Variants in NUDT7 observed in about 807,000 individuals in gnomAD.
NUDT7 encodes peroxisomal coenzyme A diphosphatase NUDT7.
A neutral mutation model predicts 13.1 loss-of-function variants in NUDT7; 19 were observed. The ratio of observed to expected loss-of-function variants is 1.45; its 90% confidence interval spans 1.01 to 2.13. The LOEUF (loss-of-function observed/expected upper bound fraction) is 2.13. Among genes scored for constraint, NUDT7 ranks in the 30% most tolerant of loss-of-function variants. The pLI is 0.00. For synonymous variants in NUDT7, 132 were observed against 109.7 expected (o/e 1.20, Z -1.27); for missense variants, 360 against 291.7 (o/e 1.23, Z -1.71).
At chr16:77,740,806 C>T (rs2014634880) in intron 3 of NUDT7, among the ~76,000 whole-genome samples, 1 of 152,150 alleles carries the variant, frequency 6.6e-6, no homozygotes, top group Non-Finnish European at 1.5e-5. Context: ...CCTCAGCCTC[C>T]CAAAGTGCTG....
intron 2 of NUDT7, among the ~76,000 whole-genome samples, chr16:77,734,823 A>C (rs1247473351): frequency 6.6e-6 from 1 of 152,202 alleles, no homozygotes. Context: ...CCACAGAGAC[A>C]GAAAGCAGGG....
chr16:77,741,815 C>T lies in NUDT7; in HGVS notation c.582C>T (p.Asn194=). The change falls in exon 4 of 4, where the codon AAC becomes AAT. Residue 194 remains asparagine (N), a synonymous_variant. Transcript: ENST00000268533. The stretch of plus-strand genomic sequence containing the variant: ...ACCAGATCAAGGGAATGACGGCAAA[C>T]CTTGCAGTGTTGGTGGCCTTTATCA... ...VTYQIKGMTA[N]LAVLVAFIIL... is the part of the protein sequence containing the mutation. 1.2e-6 allele frequency: 2 copies of T among 1,614,112 alleles called. No individual in the cohort carries two copies. Among genetic ancestry groups the T allele is most frequent in the Non-Finnish European group, 1.7e-6 (2 of 1,180,034 alleles).
intron 3 of NUDT7, among the ~76,000 whole-genome samples, chr16:77,740,602 G>T (rs773491850): frequency 2.0e-5 from 3 of 152,118 alleles, no homozygotes; most frequent in Non-Finnish European, 2.9e-5. Flanking sequence ...GGAGTGCAGT[G>T]GCATGATCTC....
At chr16:77,729,589 G>T (rs1263433937) in intron 2 of NUDT7, among the ~76,000 whole-genome samples, 1 of 152,126 alleles carries the variant, frequency 6.6e-6, no homozygotes, top group African/African-American at 2.4e-5. Context: ...ATTTTGAGAG[G>T]CCAAGGTGTG....
At chr16:77,729,917 A>G (rs1474729914) in intron 2 of NUDT7, among the ~76,000 whole-genome samples, 1 of 151,636 alleles carries the variant, frequency 6.6e-6, no homozygotes, top group South Asian at 2.1e-4. Flanking sequence ...TATATTCACT[A>G]TGGAATGACT....
chr16:77,725,703 T>C (rs1331426620), intron 2 of NUDT7, 119 bp downstream of exon 2: 2 of 840,868 alleles, frequency 2.4e-6, no homozygotes, highest in Admixed American at 2.7e-5. Flanking sequence ...AAAATTGTGA[T>C]GTCAGAGGCA....
chr16:77,739,172 G>T (rs2014580753), intron 3 of NUDT7, among the ~76,000 whole-genome samples: 1 of 152,176 alleles, frequency 6.6e-6, no homozygotes, highest in Non-Finnish European at 1.5e-5. Flanking sequence ...CCTAAGAGAG[G>T]GTTCTAGGAT....
rs766519088 is a variant in NUDT7, at chr16:77,741,623, C to G, written c.390C>G (p.His130Gln). ...LITPFVGLIDHNFQAQPNPAE... is the reference protein window; with the variant it reads ...LITPFVGLIDQNFQAQPNPAE... ...CTCCATTTGTGGGTTTAATAGACCA[C>G]AACTTCCAGGCCCAGCCGAATCCTG... Residue 130 changes from histidine (H) to glutamine (Q), a missense_variant, in exon 4 of 4, where the codon CAC becomes CAG. His to Gln is a conservative substitution (Grantham distance 24). Coordinates refer to ENST00000268533, the MANE Select transcript of NUDT7 (RefSeq NM_001105663.3). 7.3e-5 allele frequency: 118 copies of G among 1,613,172 alleles called. 4 individuals are homozygous for G. In the South Asian group the frequency reaches 1.2e-3, roughly 16 times the overall value.
chr16:77,731,901 A>G (rs1412960252), intron 2 of NUDT7, among the ~76,000 whole-genome samples: 1 of 152,206 alleles, frequency 6.6e-6, no homozygotes, highest in Non-Finnish European at 1.5e-5. Context: ...GGATATAATG[A>G]AAATATTTTG....
chr16:77,741,883 A>G lies in NUDT7; in HGVS notation c.650A>G (p.Asn217Ser). The stretch of plus-strand genomic sequence containing the variant: ...ACCTTTGAGGTTCAATTTAATCTTA[A>G]TGATGTATTAGCATCCTCTGAAGAG... ...KPTFEVQFNLNDVLASSEELF... is the reference protein window; with the variant it reads ...KPTFEVQFNLSDVLASSEELF... Residue 217 changes from asparagine to serine, a missense_variant, in exon 4 of 4, where the codon AAT (asparagine) becomes AGT (serine). Transcript: ENST00000268533. The G allele has an allele frequency of 6.2e-7, 1 of 1,614,086 alleles. No homozygotes were observed.
intron 2 of NUDT7, among the ~76,000 whole-genome samples, chr16:77,728,740 AG>A (rs1381931410): frequency 4.6e-5 from 7 of 152,282 alleles, no homozygotes; most frequent in African/African-American, 1.7e-4. Context: ...ACCTTGGATA[AG>A]GGACTCCTCT....
chr16:77,736,165 G>C (rs888891007), intron 3 of NUDT7, 179 bp downstream of exon 3: 1 of 565,108 alleles, frequency 1.8e-6, no homozygotes, highest in South Asian at 2.6e-5. Flanking sequence ...AACCCCTTTT[G>C]CCTCTCCGGA....
In NUDT7 at chr16:77,742,202, T is replaced by G. The variant is rs1194344754; in HGVS notation, c.*252T>G. 1 of 994,350 alleles carries G rather than the reference T, an allele frequency of 1.0e-6. No individual in the cohort carries two copies. The highest frequency in any genetic ancestry group is 1.3e-6 in the Non-Finnish European group (1 of 784,826). 61.6% of individuals were successfully genotyped at this position (994,350 alleles called of 1,614,324 possible). On this transcript the variant is annotated 3_prime_UTR_variant, in exon 4 of 4. Coordinates refer to ENST00000268533, the MANE Select transcript of NUDT7 (RefSeq NM_001105663.3). ...ATGTTAATAATATTTTTCTTACACA[T>G]ATAATAAAGAATATCTGGCACATAC...
intron 3 of NUDT7, chr16:77,737,581 G>T (rs896384583): frequency 6.6e-6 from 1 of 152,120 alleles, no homozygotes; most frequent in Non-Finnish European, 1.5e-5. Context: ...CGCCTCCCGG[G>T]TTCACGCCAT....
At chr16:77,733,790 A>T (rs1412904644) in intron 2 of NUDT7, among the ~76,000 whole-genome samples, 7 of 152,188 alleles carry the variant, frequency 4.6e-5, no homozygotes, top group Non-Finnish European at 2.9e-5. Flanking sequence ...CAGACCCAGG[A>T]CTCTTGCTGA....
At position 77,725,411 on chromosome 16, in the gene NUDT7, C is replaced by G. The variant is rs2014098056; in HGVS notation, c.36-20C>G. 2 of 1,599,700 alleles carry G rather than the reference C, an allele frequency of 1.3e-6. No homozygotes were observed. The highest frequency in any genetic ancestry group is 8.5e-7 in the Non-Finnish European group (1 of 1,171,160). On this transcript the variant is annotated intron_variant, in intron 1 of 3. Coordinates refer to ENST00000268533, the MANE Select transcript of NUDT7 (RefSeq NM_001105663.3). Reference sequence around the variant, plus strand: ...TAACTCTGCTTGCTAAAATGTCTGTCTGGTTTGTTTTTATTTTAGAAACAG... The same window carrying G: ...TAACTCTGCTTGCTAAAATGTCTGTGTGGTTTGTTTTTATTTTAGAAACAG...
intron 2 of NUDT7, among the ~76,000 whole-genome samples, chr16:77,729,718 G>A (rs913818023): frequency 1.3e-5 from 2 of 152,034 alleles, no homozygotes; most frequent in Non-Finnish European, 2.9e-5. Context: ...CCAGCTACTC[G>A]CGAGGCTGAG....
intron 2 of NUDT7, among the ~76,000 whole-genome samples, chr16:77,731,595 T>G (rs1243367760): frequency 1.3e-5 from 2 of 152,226 alleles, no homozygotes; most frequent in African/African-American, 4.8e-5. Flanking sequence ...TTTACTACAC[T>G]ATTCTTTTAA....
Position 77,741,691 on chromosome 16 carries a change from T to C in NUDT7, c.458T>C (p.Leu153Pro). ...DVFLVPLAYF[L>P]HPQVHDQHYV... ...TTCCTGGTGCCTCTGGCCTATTTCC[T>C]GCATCCACAGGTCCATGACCAGCAT... is the stretch of plus-strand genomic sequence containing the variant. Residue 153 changes from leucine (L) to proline (P), a missense_variant, in exon 4 of 4, where the codon CTG becomes CCG. Leu to Pro is a moderately conservative substitution (Grantham distance 98). Transcript: ENST00000268533. The C allele has an allele frequency of 6.2e-7, 1 of 1,614,192 alleles. No individual in the cohort carries two copies. The highest frequency in any genetic ancestry group is 8.5e-7 in the Non-Finnish European group (1 of 1,180,040).
Sources: gnomAD v4.1 joint callset for allele counts (sites outside exome capture counted in the v4.1 genomes callset) on GRCh38, gnomAD v4.1.1 for gene constraint, MANE v1.5 for transcripts, NCBI Gene and HGNC (gene_info 2026-07-23, HGNC 2026-07-21) for gene names.